The following PHKB variants were observed in gnomAD, a reference collection of about 807,000 sequenced individuals.
PHKB encodes phosphorylase b kinase regulatory subunit beta.
Under a neutral mutation model 152.1 loss-of-function variants are expected in PHKB, and 122 were observed. That is an observed-to-expected ratio of 0.80 (90% CI 0.69 to 0.93). The LOEUF (loss-of-function observed/expected upper bound fraction) is 0.93. PHKB is among the 40% of genes least tolerant of loss of function. The probability of loss-of-function intolerance (pLI) is 0.00; values close to 1 mark genes in which losing one functional copy is unlikely to be tolerated. For missense variants in PHKB, 1,304 were observed against 1,328.4 expected (o/e 0.98, Z 0.29); for synonymous variants, 436 against 464.9 (o/e 0.94, Z 0.80).
intron 7 of PHKB, chr16:47,565,051 A>T: frequency 2.3e-6 from 1 of 427,510 alleles, no homozygotes; most frequent in Non-Finnish European, 4.5e-6. Flanking sequence ...GGGTGCAGAG[A>T]AAGTAGGAGA....
chr16:47,663,570 A>G (rs1973481132), intron 23 of PHKB, 107 bp from the exon 24 acceptor site: 2 of 849,210 alleles, frequency 2.4e-6, no homozygotes, highest in Non-Finnish European at 2.0e-6. Flanking sequence ...GGATCGATGT[A>G]TCAACTCTAG....
chr16:47,523,191 G>A (rs1171980906), intron 6 of PHKB, among the ~76,000 whole-genome samples: 1 of 151,990 alleles, frequency 6.6e-6, no homozygotes, highest in African/African-American at 2.4e-5. Context: ...ACAATTTCTT[G>A]TTTCTTTGCA....
Position 47,565,710 on chromosome 16 carries a change from C to G in PHKB, c.711-14585C>G, listed in dbSNP as rs377441664. The G allele has an allele frequency of 2.0e-6, 3 of 1,469,322 alleles. No homozygotes were observed. In the African/African-American group the frequency reaches 4.2e-5, roughly 20 times the overall value. The allele number at this position is 1,469,322 out of a possible 1,614,324, so 91.0% of individuals were successfully genotyped here. A position where few individuals can be genotyped will look rare whatever the true frequency, so the allele number is the denominator to read the frequency against. On this transcript the variant is annotated intron_variant, in intron 7 of 30. Coordinates refer to ENST00000323584, the MANE Select transcript of PHKB (RefSeq NM_000293.3). ...ACTTTGCCAGTTTGGGTGTCTCTCC[C>G]GAGGCCATCGTTCTAGTTTTGGCTC...
At chr16:47,517,874 A>G (rs1970623981) in intron 6 of PHKB, among the ~76,000 whole-genome samples, 1 of 152,198 alleles carries the variant, frequency 6.6e-6, no homozygotes, top group Non-Finnish European at 1.5e-5. Flanking sequence ...AAAATCCTAG[A>G]GTAATAAAAC....
chr16:47,618,106 C>T (rs1335346348), intron 14 of PHKB, among the ~76,000 whole-genome samples: 2 of 152,206 alleles, frequency 1.3e-5, no homozygotes, highest in Non-Finnish European at 2.9e-5. Flanking sequence ...TGAGTCAGCT[C>T]CCATACCTGC....
chr16:47,630,206 A>T (rs577852067), intron 14 of PHKB, among the ~76,000 whole-genome samples: 2 of 152,196 alleles, frequency 1.3e-5, no homozygotes, highest in East Asian at 3.9e-4. Flanking sequence ...ATATTCTATC[A>T]AAAAGCAGAT....
At chr16:47,491,608 T>C (rs146751375) in intron 1 of PHKB, among the ~76,000 whole-genome samples, 1 of 152,214 alleles carries the variant, frequency 6.6e-6, no homozygotes, top group East Asian at 1.9e-4. Context: ...TCAACACATA[T>C]ATAGCTACAC....
intron 24 of PHKB, 115 bp from the exon 25 acceptor site, chr16:47,664,770 C>T: frequency 1.4e-6 from 1 of 735,370 alleles, no homozygotes; most frequent in South Asian, 1.5e-5. Flanking sequence ...TTATGCATTT[C>T]AGATAAATCA....
At chr16:47,514,584 T>C (rs745512729) in intron 5 of PHKB, among the ~76,000 whole-genome samples, 3 of 152,218 alleles carry the variant, frequency 2.0e-5, no homozygotes, top group African/African-American at 7.2e-5. Context: ...ACCTTGAGAA[T>C]AGGTCTTCCC....
chr16:47,680,843 T>C (rs1973839466), intron 26 of PHKB, among the ~76,000 whole-genome samples: 2 of 152,214 alleles, frequency 1.3e-5, no homozygotes, highest in Admixed American at 1.3e-4. Flanking sequence ...GCTTTTCTAG[T>C]TCTTTTAATT....
At chr16:47,693,969 G>T (rs1460332443) in intron 28 of PHKB, among the ~76,000 whole-genome samples, 1 of 152,216 alleles carries the variant, frequency 6.6e-6, no homozygotes, top group Non-Finnish European at 1.5e-5. Flanking sequence ...GTGGGTCAGT[G>T]CTGGGGGGCC....
chr16:47,555,714 A>C (rs1174311339), intron 7 of PHKB, among the ~76,000 whole-genome samples: 1 of 152,222 alleles, frequency 6.6e-6, no homozygotes, highest in East Asian at 1.9e-4. Flanking sequence ...AATTGCCATT[A>C]AAATGTAAGA....
intron 25 of PHKB, among the ~76,000 whole-genome samples, chr16:47,666,376 A>C (rs1567348008): frequency 6.6e-6 from 1 of 152,182 alleles, no homozygotes; most frequent in African/African-American, 2.4e-5. Flanking sequence ...CAAAGGGCGC[A>C]TCTTCCCTTC....
intron 6 of PHKB, among the ~76,000 whole-genome samples, chr16:47,529,025 G>T (rs1024713457): frequency 6.6e-6 from 1 of 152,076 alleles, no homozygotes; most frequent in African/African-American, 2.4e-5. Context: ...AAATGCTGGG[G>T]ATTGGAAGTG....
In PHKB at chr16:47,650,549, G is replaced by A. The variant is rs35690654; in HGVS notation, c.1803G>A (p.Ala601=). The A allele has an allele frequency of 9.0e-5, 143 of 1,586,392 alleles. No individual in the cohort carries two copies. In the African/African-American group the frequency reaches 1.4e-3, roughly 15 times the overall value. Residue 601 remains alanine, a synonymous_variant, in exon 19 of 31, where the codon GCG becomes GCA. Coordinates refer to ENST00000323584, the MANE Select transcript of PHKB (RefSeq NM_000293.3). ...TACCTCATTCTGTTTGACAGAATGC[G>A]CTGCAGTTCATTAAACAATATTGGA... is the stretch of plus-strand genomic sequence containing the variant. ...VFLLIDDIKN[A]LQFIKQYWKM... is the part of the protein sequence containing the mutation.
intron 1 of PHKB, among the ~76,000 whole-genome samples, chr16:47,470,029 A>T (rs1378515426): frequency 6.6e-6 from 1 of 152,178 alleles, no homozygotes; most frequent in African/African-American, 2.4e-5. Context: ...AATGTGTTAC[A>T]AGTAGTGCTT....
At chr16:47,591,753 A>C (rs1972032488) in intron 10 of PHKB, among the ~76,000 whole-genome samples, 1 of 152,086 alleles carries the variant, frequency 6.6e-6, no homozygotes, top group Non-Finnish European at 1.5e-5. Flanking sequence ...ATCCTCGCTT[A>C]GATGTCTTAC....
At chr16:47,504,403 A>G (rs2151645234) in intron 4 of PHKB, among the ~76,000 whole-genome samples, 1 of 152,354 alleles carries the variant, frequency 6.6e-6, no homozygotes, top group South Asian at 2.1e-4. Flanking sequence ...CCAGGTGTGT[A>G]GTATCAACCA....
intron 25 of PHKB, among the ~76,000 whole-genome samples, chr16:47,667,219 G>T (rs1281102565): frequency 6.6e-6 from 1 of 151,948 alleles, no homozygotes; most frequent in South Asian, 2.1e-4. Flanking sequence ...ATCACTTGAG[G>T]CCAGGAATTC....
Sources: gnomAD v4.1 joint callset for allele counts (sites outside exome capture counted in the v4.1 genomes callset) on GRCh38, gnomAD v4.1.1 for gene constraint, MANE v1.5 for transcripts, NCBI Gene and HGNC (gene_info 2026-07-23, HGNC 2026-07-21) for gene names.